The following RGS6 variants were observed in gnomAD, a reference collection of about 807,000 sequenced individuals.
The protein encoded by RGS6 is regulator of G protein signaling 6.
A neutral mutation model predicts 78.5 loss-of-function variants in RGS6; 30 were observed. That is an observed-to-expected ratio of 0.38 (90% CI 0.29 to 0.52). The LOEUF (loss-of-function observed/expected upper bound fraction) is 0.52, where lower values mean the gene tolerates loss of function less well. RGS6 is among the 20% of genes least tolerant of loss of function. The pLI is 0.85. For synonymous variants in RGS6, 206 were observed against 206.0 expected (o/e 1.00, Z 0.00); for missense variants, 495 against 609.7 (o/e 0.81, Z 1.98).
chr14:71,991,768 G>C (rs534764887), intron 2 of RGS6, among the ~76,000 whole-genome samples: 1 of 152,276 alleles, frequency 6.6e-6, no homozygotes, highest in South Asian at 2.1e-4. Context: ...ATTTTCTTGT[G>C]ACAGTCAATA....
At chr14:72,157,181 A>T (rs141772379) in intron 2 of RGS6, among the ~76,000 whole-genome samples, 6 of 152,316 alleles carry the variant, frequency 3.9e-5, no homozygotes, top group African/African-American at 1.4e-4. Flanking sequence ...GAAAAATAAC[A>T]TTTGAACATT....
At chr14:72,471,942 A>G (rs2096088082) in intron 8 of RGS6, among the ~76,000 whole-genome samples, 1 of 152,216 alleles carries the variant, frequency 6.6e-6, no homozygotes, top group Non-Finnish European at 1.5e-5. Context: ...TTACTTCATA[A>G]ATACATGGTA....
chr14:71,875,319 A>T, the RGS6 span, among the ~76,000 whole-genome samples: 4 of 152,292 alleles, frequency 2.6e-5, 1 homozygote, highest in South Asian at 4.1e-4. Flanking sequence ...CCTCAATTTC[A>T]GATCCTGTTA....
At chr14:72,241,919 A>G (rs751151367) in intron 2 of RGS6, among the ~76,000 whole-genome samples, 122 of 152,374 alleles carry the variant, frequency 8.0e-4, no homozygotes, top group Non-Finnish European at 1.1e-3. Flanking sequence ...TAATACAATT[A>G]TAATAATATT....
At chr14:71,992,453 G>C (rs377193179) in intron 2 of RGS6, among the ~76,000 whole-genome samples, 4 of 152,156 alleles carry the variant, frequency 2.6e-5, no homozygotes, top group Admixed American at 6.6e-5. Context: ...ACATTGCTTC[G>C]TTTGTTCTAT....
intron 2 of RGS6, among the ~76,000 whole-genome samples, chr14:71,991,960 G>A (rs7141159): frequency 0.039 from 5,872 of 152,122 alleles, 366 homozygotes; most frequent in African/African-American, 0.13. Context: ...TATGAAAACA[G>A]GCAGTGAGCC....
intron 3 of RGS6, among the ~76,000 whole-genome samples, chr14:72,411,207 G>T (rs929308892): frequency 6.6e-6 from 1 of 152,162 alleles, no homozygotes; most frequent in Non-Finnish European, 1.5e-5. Flanking sequence ...CATGAGCATG[G>T]AATGTTCTTG....
chr14:72,342,935 A>G (rs2077315230), intron 2 of RGS6, among the ~76,000 whole-genome samples: 1 of 152,144 alleles, frequency 6.6e-6, no homozygotes. Context: ...TGGTTAGGCC[A>G]TGAAGCTGTT....
At chr14:72,405,348 C>T (rs971220656) in intron 3 of RGS6, among the ~76,000 whole-genome samples, 1 of 152,238 alleles carries the variant, frequency 6.6e-6, no homozygotes, top group Non-Finnish European at 1.5e-5. Context: ...GCAGTCTCCT[C>T]TCAGCAGGGA....
At chr14:72,080,023 C>A (rs1224298960) in intron 2 of RGS6, among the ~76,000 whole-genome samples, 1 of 152,104 alleles carries the variant, frequency 6.6e-6, no homozygotes, top group Non-Finnish European at 1.5e-5. Context: ...CTTCAGCACA[C>A]TGATTTCAAT....
the RGS6 span, among the ~76,000 whole-genome samples, chr14:71,906,176 G>A: frequency 1.1e-4 from 17 of 152,156 alleles, no homozygotes; most frequent in African/African-American, 1.9e-4. Context: ...GCGTATCCTC[G>A]CAGTAATTGC....
At chr14:72,377,538 C>A (rs992858835) in intron 3 of RGS6, among the ~76,000 whole-genome samples, 20 of 152,246 alleles carry the variant, frequency 1.3e-4, no homozygotes, top group African/African-American at 4.8e-4. Context: ...GCACTATAGA[C>A]CAAATAATAT....
chr14:72,001,988 T>C (rs2083553379), intron 2 of RGS6, among the ~76,000 whole-genome samples: 1 of 150,554 alleles, frequency 6.6e-6, no homozygotes, highest in South Asian at 2.1e-4. Context: ...CTGCAACCTT[T>C]ATCTCCTGGG....
At chr14:72,007,818 A>C (rs2084876680) in intron 2 of RGS6, among the ~76,000 whole-genome samples, 1 of 152,166 alleles carries the variant, frequency 6.6e-6, no homozygotes, top group Non-Finnish European at 1.5e-5. Context: ...TAGTGGAATT[A>C]AGCCTAAAGG....
At chr14:72,298,908 G>A (rs1770650116) in intron 2 of RGS6, among the ~76,000 whole-genome samples, 1 of 152,174 alleles carries the variant, frequency 6.6e-6, no homozygotes, top group African/African-American at 2.4e-5. Flanking sequence ...TCTCCAGGTT[G>A]GGAGAGTTCT....
At chr14:72,489,735 CG>C (rs1566968699) in intron 12 of RGS6, among the ~76,000 whole-genome samples, 1 of 114,668 alleles carries the variant, frequency 8.7e-6, no homozygotes, top group African/African-American at 3.4e-5. Context: ...AGAGGCAAGG[CG>C]AGGTGAGACG....
At chr14:72,339,556 G>A (rs2239243) in intron 2 of RGS6, among the ~76,000 whole-genome samples, 70,711 of 151,930 alleles carry the variant, frequency 0.47, 16,781 homozygotes, top group South Asian at 0.59. Flanking sequence ...ACTAGGGGGT[G>A]CCTGGTCATG....
At chr14:72,201,930 TTGGTC>T (rs1324431774) in intron 2 of RGS6, among the ~76,000 whole-genome samples, 3 of 152,156 alleles carry the variant, frequency 2.0e-5, no homozygotes, top group Non-Finnish European at 4.4e-5. Context: ...TTGCCAACCC[TTGGTC>T]TAGAGTAAAC....
chr14:72,598,767 C>G, the RGS6 span, among the ~76,000 whole-genome samples: 1 of 152,332 alleles, frequency 6.6e-6, no homozygotes, highest in East Asian at 1.9e-4. Context: ...CTGTGCTATG[C>G]CAGCAGGAGA....
Sources: allele counts gnomAD v4.1 joint callset (sites outside exome capture counted in the v4.1 genomes callset), GRCh38; gene constraint gnomAD v4.1.1; transcripts MANE v1.5; gene names NCBI Gene and HGNC (gene_info 2026-07-23, HGNC 2026-07-21).